Variants in HERC2 observed in about 807,000 individuals in gnomAD.
HERC2 encodes the protein HECT and RLD domain containing E3 ubiquitin protein ligase 2, also known as E3 ubiquitin-protein ligase HERC2.
A neutral mutation model predicts 537.7 loss-of-function variants in HERC2; 102 were observed. That is an observed-to-expected ratio of 0.19 (90% CI 0.16 to 0.22). HERC2 has a LOEUF of 0.22. Among genes scored for constraint, HERC2 ranks in the 10% least tolerant of loss-of-function variants. The probability of loss-of-function intolerance (pLI) is 1.00; values close to 1 mark genes in which losing one functional copy is unlikely to be tolerated. For missense variants in HERC2, 4,236 were observed against 6,198.2 expected (o/e 0.68, Z 10.63); for synonymous variants, 2,224 against 2,466.2 (o/e 0.90, Z 2.91).
intron 26 of HERC2, among the ~76,000 whole-genome samples, chr15:28,235,365 C>T (rs1355968661): frequency 6.6e-6 from 1 of 152,142 alleles, no homozygotes; most frequent in African/African-American, 2.4e-5. Context: ...CTCGCCAGCC[C>T]TGCCCTCCTT....
At chr15:28,223,691 C>G (rs571669413) in intron 35 of HERC2, among the ~76,000 whole-genome samples, 8 of 152,306 alleles carry the variant, frequency 5.3e-5, no homozygotes, top group Non-Finnish European at 1.2e-4. Flanking sequence ...TTTATGTTTT[C>G]TGGCTGTTAC....
At position 28,167,217 on chromosome 15, in the gene HERC2, C is replaced by T. The variant is rs372264233; in HGVS notation, c.10554+470G>A. On this transcript the variant is annotated intron_variant, in intron 68 of 92. Transcript: ENST00000261609. ...GGAGAAACTTGGCAGAGACCCTTAA[C>T]CAAGTGATAAGCTATCTCACCAATG... 5.3e-5 allele frequency among the ~76,000 whole-genome samples: 8 copies of T among 152,178 alleles called. 1 individual carries two copies. Among genetic ancestry groups the T allele is most frequent in the Non-Finnish European group, 5.9e-5 (4 of 68,022 alleles).
At chr15:28,284,890 C>T (rs1315162124) in intron 4 of HERC2, among the ~76,000 whole-genome samples, 1 of 124,378 alleles carries the variant, frequency 8.0e-6, no homozygotes, top group Non-Finnish European at 1.6e-5. Flanking sequence ...TCACTCCTGC[C>T]TGGGCAAAAG....
In HERC2 at chr15:28,163,157, G is replaced by T. The variant is rs1006465849; in HGVS notation, c.10683C>A (p.Ala3561=). The T allele has an allele frequency of 8.7e-6, 14 of 1,613,044 alleles. No individual in the cohort carries two copies. Among genetic ancestry groups the T allele is most frequent in the African/African-American group, 1.3e-5 (1 of 74,912 alleles). Residue 3561 remains alanine, a synonymous_variant, in exon 69 of 93, where the codon GCC becomes GCA. Transcript: ENST00000261609. ...AGAGCACATCCCTGCCCCTGTCCCCGGCCCGGCTGCACACTGACAGCTTGA... is the reference window on the plus strand; with the variant it reads ...AGAGCACATCCCTGCCCCTGTCCCCTGCCCGGCTGCACACTGACAGCTTGA... The part of the protein sequence containing the change: ...DLLKLSVCSR[A]GDRGRDVLSA...
intron 68 of HERC2, among the ~76,000 whole-genome samples, chr15:28,165,176 A>T (rs1894000373): frequency 6.6e-6 from 1 of 152,078 alleles, no homozygotes; most frequent in Admixed American, 6.5e-5. Context: ...GTCAACATGG[A>T]GGTGAGGGGA....
chr15:28,146,164 T>C (rs566092003), intron 71 of HERC2, 73 bp downstream of exon 71: 117 of 1,023,414 alleles, frequency 1.1e-4, no homozygotes, highest in Admixed American at 2.2e-4. Flanking sequence ...CATTCTGTCC[T>C]ACAAATGTGA....
In HERC2 at chr15:28,229,340, A is replaced by T. The variant is rs756654521; in HGVS notation, c.5127T>A (p.Pro1709=). 6.2e-7 allele frequency: 1 copy of T among 1,612,934 alleles called. No homozygotes were observed. The highest frequency in any genetic ancestry group is 8.5e-7 in the Non-Finnish European group (1 of 1,178,896). ...CAACATCCTTTAAACAATCAGTAAG[A>T]GGTTCCCTTTCAAATAAAGATAAAG... is the stretch of plus-strand genomic sequence containing the variant. The part of the protein sequence containing the change: ...LIPEGIDIGE[P]LTDCLKDVDL... The change falls in exon 34 of 93, where the codon CCT becomes CCA. Residue 1709 remains proline, a synonymous_variant. Coordinates refer to ENST00000261609, the MANE Select transcript of HERC2 (RefSeq NM_004667.6).
chr15:28,140,909 A>G (rs1891155903), intron 78 of HERC2, among the ~76,000 whole-genome samples: 1 of 152,112 alleles, frequency 6.6e-6, no homozygotes, highest in African/African-American at 2.4e-5. Flanking sequence ...AAATTGTAAT[A>G]CTTTTGCATA....
At chr15:28,256,743 C>T (rs76654715) in intron 17 of HERC2, among the ~76,000 whole-genome samples, 10,491 of 152,130 alleles carry the variant, frequency 0.069, 874 homozygotes, top group East Asian at 0.41. Context: ...TACAGGCGCC[C>T]GCCACCACAA....
At chr15:28,257,913 T>G (rs961119867) in intron 16 of HERC2, among the ~76,000 whole-genome samples, 1 of 151,866 alleles carries the variant, frequency 6.6e-6, no homozygotes, top group African/African-American at 2.4e-5. Flanking sequence ...CTCCATCACC[T>G]GACCTCATGA....
chr15:28,168,515 GGCC>G lies in HERC2; in HGVS notation c.10302_10304del (p.Ala3435del), dbSNP rs753230448. ...TAGCCATCGCAGATGCGTCGGAAGG[GGCC>G]GCCGAGGAGAACGAGGGGCACTCCA... On this transcript the variant is annotated inframe_deletion, in exon 67 of 93. Transcript: ENST00000261609. The G allele has an allele frequency of 1.2e-6, 2 of 1,614,152 alleles. No individual in the cohort carries two copies. The highest frequency in any genetic ancestry group is 2.2e-5 in the South Asian group (2 of 91,076).
At chr15:28,230,269 C>T (rs1285660010) in intron 31 of HERC2, 98 bp downstream of exon 31, 6 of 1,225,252 alleles carry the variant, frequency 4.9e-6, no homozygotes, top group South Asian at 1.2e-5. Flanking sequence ...AACAACCGCC[C>T]GTCCCTCCCT....
chr15:28,265,876 A>T lies in HERC2; in HGVS notation c.1697T>A (p.Ile566Asn). Residue 566 changes from isoleucine (I) to asparagine (N), a missense_variant, in exon 13 of 93, where the codon ATC becomes AAC. Physicochemically the swap from Ile to Asn is moderately radical, Grantham distance 149. Coordinates refer to ENST00000261609, the MANE Select transcript of HERC2 (RefSeq NM_004667.6). The surrounding 1 kb of genome is among the most constrained non-coding windows in gnomAD (Gnocchi z 4.0). ...IACGSTYSAA[I>N]TAEGELYTWG... ...GGTGTACAGCTCCCCCTCGGCAGTG[A>T]TGGCCGCACTGTAAGTGCTCCCGCA... is the stretch of plus-strand genomic sequence containing the variant. 6.2e-7 allele frequency: 1 copy of T among 1,614,184 alleles called. No homozygotes were observed. The highest frequency in any genetic ancestry group is 8.5e-7 in the Non-Finnish European group (1 of 1,180,034).
At chr15:28,304,984 C>A (rs1010876894) in intron 2 of HERC2, among the ~76,000 whole-genome samples, 1 of 149,352 alleles carries the variant, frequency 6.7e-6, no homozygotes. Context: ...TTTATTCTTG[C>A]GATAGTTTAC....
intron 83 of HERC2, among the ~76,000 whole-genome samples, chr15:28,125,695 C>A (rs1055240443): frequency 6.6e-6 from 1 of 151,748 alleles, no homozygotes; most frequent in Admixed American, 6.6e-5. Flanking sequence ...TTTTTTGAGA[C>A]AGGGTCTCAC....
chr15:28,160,742 G>A (rs959602248), intron 69 of HERC2, among the ~76,000 whole-genome samples: 1 of 152,164 alleles, frequency 6.6e-6, no homozygotes, highest in Non-Finnish European at 1.5e-5. Flanking sequence ...CCACTGTCCT[G>A]CACCCGCTGT....
At position 28,299,529 on chromosome 15, in the gene HERC2, A is replaced by G; in HGVS notation, c.73-13T>C. ...TTGTGAATGCAAGCTGGCAATGATA[A>G]ACGAGATAAGCTTACAGAGTGCTCA... is the stretch of plus-strand genomic sequence containing the variant. On this transcript the variant is annotated splice_polypyrimidine_tract_variant and intron_variant, in intron 2 of 92. Transcript: ENST00000261609. 1 of 1,318,772 alleles carries G rather than the reference A, an allele frequency of 7.6e-7. No homozygotes were observed. The highest frequency in any genetic ancestry group is 2.3e-5 in the East Asian group (1 of 43,542). The allele number at this position is 1,318,772 out of a possible 1,614,324, so 81.7% of individuals were successfully genotyped here.
chr15:28,155,685 G>T (rs1031601791), intron 69 of HERC2, among the ~76,000 whole-genome samples: 13 of 151,694 alleles, frequency 8.6e-5, no homozygotes, highest in Non-Finnish European at 1.5e-4. Context: ...TGAGTAGATT[G>T]CAAAAATTTT....
At chr15:28,144,859 C>T (rs530309501) in intron 71 of HERC2, 55 bp from the exon 72 acceptor site, 70 of 1,610,044 alleles carry the variant, frequency 4.3e-5, no homozygotes, top group Admixed American at 2.3e-4. Flanking sequence ...CCAATCAACA[C>T]AAACCTTCTT....
Sources: allele counts gnomAD v4.1 joint callset (sites outside exome capture counted in the v4.1 genomes callset), GRCh38; gene constraint gnomAD v4.1.1; non-coding constraint Gnocchi (gnomAD v3.1); transcripts MANE v1.5; gene names NCBI Gene and HGNC (gene_info 2026-07-23, HGNC 2026-07-21).